NRXN3: variants seen among roughly 807,000 people sequenced by gnomAD.
NRXN3 encodes neurexin 3.
In NRXN3, 32 loss-of-function variants were observed where a neutral mutation model predicts 137.6. The observed-to-expected ratio is 0.23, with a 90% CI of 0.18 to 0.31. The LOEUF (loss-of-function observed/expected upper bound fraction) is 0.31, where lower values mean the gene tolerates loss of function less well. NRXN3 is among the 10% of genes least tolerant of loss of function. The pLI, the probability that NRXN3 is intolerant of heterozygous loss-of-function variation, is 1.00. For synonymous variants in NRXN3, 798 were observed against 784.5 expected (o/e 1.02, Z -0.29); for missense variants, 1,574 against 2,062.5 (o/e 0.76, Z 4.59).
chr14:79,205,069 G>C (rs2066603715), intron 15 of NRXN3, among the ~76,000 whole-genome samples: 1 of 152,272 alleles, frequency 6.6e-6, no homozygotes, highest in East Asian at 1.9e-4. Context: ...TCAAAGGCTG[G>C]AAAATTTTTC....
chr14:79,701,064 A>G (rs2098752834), intron 19 of NRXN3, among the ~76,000 whole-genome samples: 1 of 152,060 alleles, frequency 6.6e-6, no homozygotes, highest in Non-Finnish European at 1.5e-5. Flanking sequence ...TCATTTCACA[A>G]TGGAAGGTAG....
chr14:79,275,036 G>A (rs1195771178), intron 15 of NRXN3, among the ~76,000 whole-genome samples: 2 of 151,992 alleles, frequency 1.3e-5, no homozygotes, highest in Admixed American at 6.6e-5. Flanking sequence ...ATCAAAATCC[G>A]CTTTTATGTA....
At chr14:79,142,323 G>C (rs2058870820) in intron 15 of NRXN3, among the ~76,000 whole-genome samples, 2 of 152,136 alleles carry the variant, frequency 1.3e-5, no homozygotes, top group South Asian at 4.2e-4. Flanking sequence ...CTAGTCCGGA[G>C]GCTGAGGCAG....
intron 15 of NRXN3, among the ~76,000 whole-genome samples, chr14:79,194,382 C>A (rs191140679): frequency 6.6e-6 from 1 of 152,316 alleles, no homozygotes; most frequent in Admixed American, 6.5e-5. Context: ...GTTTTGGGAA[C>A]TTCCAAATGA....
chr14:78,414,354 C>T (rs2093011918), intron 4 of NRXN3, among the ~76,000 whole-genome samples: 1 of 152,112 alleles, frequency 6.6e-6, no homozygotes, highest in African/African-American at 2.4e-5. Context: ...TGTGTAAGGG[C>T]AGGGTGGTTG....
rs151275223 is a variant in NRXN3, at chr14:79,280,502, A to G, written c.3263-186719A>G. On this transcript the variant is annotated intron_variant, in intron 15 of 20. Transcript: ENST00000335750. ...CAAGCATCACTCAGTGCCTATTTCT[A>G]TCTATCGTTCCCCTGTTTCCCTTCG... 6.5e-5 allele frequency: 105 copies of G among 1,613,444 alleles called. No homozygotes were observed. The African/African-American group carries it at 6.5e-4, about 10-fold the overall frequency.
intron 11 of NRXN3, among the ~76,000 whole-genome samples, chr14:78,958,361 CTT>C (rs371764049): frequency 4.9e-5 from 7 of 142,188 alleles, no homozygotes; most frequent in Non-Finnish European, 6.2e-5. Context: ...TTCTTTCTTT[CTT>C]TTTTTTTTTT....
chr14:78,229,939 C>T (rs897919748), intron 1 of NRXN3, among the ~76,000 whole-genome samples: 1 of 152,106 alleles, frequency 6.6e-6, no homozygotes, highest in Non-Finnish European at 1.5e-5. Flanking sequence ...GTCACTGTTC[C>T]CTCTCCAGTT....
intron 15 of NRXN3, among the ~76,000 whole-genome samples, chr14:79,030,277 A>G (rs11159392): frequency 6.6e-6 from 1 of 151,816 alleles, no homozygotes; most frequent in South Asian, 2.1e-4. Flanking sequence ...ATCTCTAAAC[A>G]TTGCCAAATG....
chr14:78,248,743 G>T (rs1396675023), intron 2 of NRXN3, among the ~76,000 whole-genome samples: 1 of 152,246 alleles, frequency 6.6e-6, no homozygotes, highest in East Asian at 1.9e-4. Context: ...CAGGGAAGTG[G>T]AGCATAATCA....
chr14:78,558,154 T>C (rs1017014931), intron 4 of NRXN3, among the ~76,000 whole-genome samples: 2 of 152,212 alleles, frequency 1.3e-5, no homozygotes, highest in Non-Finnish European at 2.9e-5. Context: ...ATCGTTATGT[T>C]CACCAGCCAT....
At chr14:78,387,662 C>A (rs1445599558) in intron 4 of NRXN3, among the ~76,000 whole-genome samples, 2 of 152,308 alleles carry the variant, frequency 1.3e-5, no homozygotes, top group South Asian at 2.1e-4. Flanking sequence ...AATTCTACAA[C>A]AGGCTTCTTT....
intron 3 of NRXN3, among the ~76,000 whole-genome samples, chr14:78,291,883 A>T (rs958826417): frequency 2.0e-5 from 3 of 152,168 alleles, no homozygotes; most frequent in Admixed American, 6.5e-5. Context: ...CTTGGCAGAG[A>T]TAACTTTTTT....
At chr14:78,418,150 T>C (rs775017287) in intron 4 of NRXN3, among the ~76,000 whole-genome samples, 1 of 152,118 alleles carries the variant, frequency 6.6e-6, no homozygotes, top group African/African-American at 2.4e-5. Context: ...GGCAAGGGCA[T>C]AGAGATATAT....
At chr14:79,751,388 A>G (rs2098997038) in intron 19 of NRXN3, among the ~76,000 whole-genome samples, 1 of 151,308 alleles carries the variant, frequency 6.6e-6, no homozygotes, top group South Asian at 2.1e-4. Context: ...TTGTTGGTGT[A>G]TAAGAATGCT....
intron 1 of NRXN3, among the ~76,000 whole-genome samples, chr14:78,190,405 C>T (rs2060605749): frequency 6.6e-6 from 1 of 152,154 alleles, no homozygotes; most frequent in Admixed American, 6.5e-5. Context: ...ATTCCACCTC[C>T]CAGAAAGAAC....
At chr14:78,259,383 C>T (rs572610667) in intron 2 of NRXN3, among the ~76,000 whole-genome samples, 10 of 152,196 alleles carry the variant, frequency 6.6e-5, no homozygotes, top group African/African-American at 2.2e-4. Flanking sequence ...TTTGAGACCA[C>T]GTGAGTTAAA....
At chr14:79,515,218 G>A (rs894583919) in intron 16 of NRXN3, among the ~76,000 whole-genome samples, 6 of 150,632 alleles carry the variant, frequency 4.0e-5, no homozygotes, top group Non-Finnish European at 7.3e-5. Context: ...AGTAGGGAAA[G>A]AAAGCAGATG....
chr14:79,226,326 A>T (rs1208545148), intron 15 of NRXN3, among the ~76,000 whole-genome samples: 2 of 151,970 alleles, frequency 1.3e-5, no homozygotes, highest in African/African-American at 4.9e-5. Context: ...GGAAATTAAA[A>T]ATTAAATCTA....
Sources: allele counts gnomAD v4.1 joint callset (sites outside exome capture counted in the v4.1 genomes callset), GRCh38; gene constraint gnomAD v4.1.1; transcripts MANE v1.5; gene names NCBI Gene and HGNC (gene_info 2026-07-23, HGNC 2026-07-21).